The following SLMAP variants were observed in gnomAD, a reference collection of about 807,000 sequenced individuals.
SLMAP encodes sarcolemmal membrane-associated protein.
SLMAP carries 44 observed loss-of-function variants against 128.8 expected under a neutral mutation model. That is an observed-to-expected ratio of 0.34 (90% CI 0.27 to 0.44). The LOEUF (loss-of-function observed/expected upper bound fraction) is 0.44, where lower values mean the gene tolerates loss of function less well. SLMAP is among the 20% of genes least tolerant of loss of function. The pLI is 1.00. For missense variants in SLMAP, 787 were observed against 985.3 expected, an observed-to-expected ratio of 0.80 and a Z score of 2.69; for synonymous variants, 327 against 348.8, an observed-to-expected ratio of 0.94 and a Z score of 0.70.
intron 2 of SLMAP, among the ~76,000 whole-genome samples, chr3:57,766,920 T>G (rs1473778346): frequency 6.6e-6 from 1 of 152,072 alleles, no homozygotes; most frequent in African/African-American, 2.4e-5. Flanking sequence ...TTTAAATTTA[T>G]TTTTATTTTT....
At position 57,917,004 on chromosome 3, in the gene SLMAP, A is replaced by G; in HGVS notation, c.2237A>G (p.His746Arg). The G allele has an allele frequency of 1.2e-6, 2 of 1,614,008 alleles. No individual in the cohort carries two copies. The highest frequency in any genetic ancestry group is 8.5e-7 in the Non-Finnish European group (1 of 1,179,934). Reference protein sequence around the residue: ...ENQVGSLKEQHLRDSADLKTL... With the variant: ...ENQVGSLKEQRLRDSADLKTL... ...CAAGTGGGATCCTTGAAAGAACAGC[A>G]TCTTCGGGATTCAGCTGATTTAAAA... Residue 746 changes from histidine to arginine, a missense_variant, in exon 22 of 25, where the codon CAT becomes CGT. By Grantham distance (29) the His-to-Arg change is conservative (BLOSUM62 0). Around this residue, in one of 2 missense-constraint regions of SLMAP, gnomAD observed 715 missense variants for 843.6 expected, o/e 0.85. Coordinates refer to ENST00000671191, the MANE Select transcript of SLMAP (RefSeq NM_001377540.1).
At chr3:57,795,102 G>C (rs1056559105) in intron 2 of SLMAP, among the ~76,000 whole-genome samples, 1 of 152,138 alleles carries the variant, frequency 6.6e-6, no homozygotes. Flanking sequence ...CAGGTGGGTA[G>C]GAAATGGTAT....
chr3:57,886,873 C>T (rs996565777), intron 14 of SLMAP, among the ~76,000 whole-genome samples: 3 of 151,746 alleles, frequency 2.0e-5, no homozygotes, highest in African/African-American at 4.8e-5. Flanking sequence ...ATATCTAGAA[C>T]GGGTAAATCC....
intron 5 of SLMAP, among the ~76,000 whole-genome samples, chr3:57,848,766 A>G (rs141588216): frequency 8.3e-4 from 113 of 136,412 alleles, no homozygotes; most frequent in African/African-American, 3.1e-3. Flanking sequence ...CTGGAGTGCA[A>G]TGGTGCAATC....
intron 2 of SLMAP, among the ~76,000 whole-genome samples, chr3:57,811,355 A>G (rs570616069): frequency 1.3e-5 from 2 of 152,322 alleles, no homozygotes; most frequent in South Asian, 4.1e-4. Context: ...TCTTTTTGTG[A>G]CTGGCTTACT....
At chr3:57,770,522 G>C (rs1190993137) in intron 2 of SLMAP, among the ~76,000 whole-genome samples, 1 of 152,234 alleles carries the variant, frequency 6.6e-6, no homozygotes, top group South Asian at 2.1e-4. Context: ...GCTGCTGTCA[G>C]TTCTTTGGGG....
chr3:57,819,452 CAAAT>C (rs372734689), intron 2 of SLMAP, among the ~76,000 whole-genome samples: 145 of 152,140 alleles, frequency 9.5e-4, no homozygotes, highest in African/African-American at 3.3e-3. Context: ...ATTTGTTTGC[CAAAT>C]AAATTCTTTG....
At chr3:57,780,297 C>G (rs1278141384) in intron 2 of SLMAP, among the ~76,000 whole-genome samples, 1 of 152,048 alleles carries the variant, frequency 6.6e-6, no homozygotes, top group African/African-American at 2.4e-5. Context: ...CAGGTGCACA[C>G]CATCACACCC....
rs2097034435 is a variant in SLMAP, at chr3:57,927,986, TATG to T, written c.*698_*700del. The T allele has an allele frequency of 1.3e-5, 2 of 152,656 alleles. No homozygotes were observed. Among genetic ancestry groups the T allele is most frequent in the South Asian group, 4.2e-4 (2 of 4,818 alleles). The allele number at this position is 152,656 out of a possible 1,614,324, so 9.5% of individuals were successfully genotyped here. ...AAAATACGTTTGGAAAATAAACTGTTATGGTGATAATTTGGGGAATATGTGCAC... is the reference window on the plus strand; with the variant it reads ...AAAATACGTTTGGAAAATAAACTGTTGTGATAATTTGGGGAATATGTGCAC... On this transcript the variant is annotated 3_prime_UTR_variant, in exon 25 of 25. Transcript: ENST00000671191.
At chr3:57,836,614 A>G (rs886535714) in intron 3 of SLMAP, among the ~76,000 whole-genome samples, 5 of 152,200 alleles carry the variant, frequency 3.3e-5, no homozygotes, top group Non-Finnish European at 5.9e-5. Flanking sequence ...GTGGGATTAA[A>G]GGCTTGAGCC....
At position 57,911,862 on chromosome 3, in the gene SLMAP, A is replaced by G. The variant is rs2096707412; in HGVS notation, c.1700-519A>G. ...ACAGAAAAACGAATCAAGGGCGTCA[A>G]CTGTTTATTGCTTTTATTGCTTACC... On this transcript the variant is annotated intron_variant, in intron 19 of 24. Coordinates refer to ENST00000671191, the MANE Select transcript of SLMAP (RefSeq NM_001377540.1). Among the ~76,000 whole-genome samples, 6 of 150,574 alleles carry G rather than the reference A, an allele frequency of 4.0e-5. No individual in the cohort carries two copies. In the South Asian group the frequency reaches 6.3e-4, roughly 16 times the overall value.
At chr3:57,773,287 A>G (rs1301341886) in intron 2 of SLMAP, among the ~76,000 whole-genome samples, 2 of 152,222 alleles carry the variant, frequency 1.3e-5, no homozygotes, top group East Asian at 3.8e-4. Context: ...AGCGGTGGAG[A>G]TAAGTAAGTC....
At chr3:57,923,985 A>AT in intron 23 of SLMAP, among the ~76,000 whole-genome samples, 1 of 152,310 alleles carries the variant, frequency 6.6e-6, no homozygotes. Context: ...AATGGTTTGC[A>AT]TTTACTTTTC....
At chr3:57,850,783 A>G (rs1425682754) in intron 6 of SLMAP, among the ~76,000 whole-genome samples, 2 of 151,886 alleles carry the variant, frequency 1.3e-5, no homozygotes. Flanking sequence ...ACAGGCATCC[A>G]CCACCCACAG....
intron 2 of SLMAP, among the ~76,000 whole-genome samples, chr3:57,785,992 G>A (rs1163760641): frequency 6.6e-6 from 1 of 152,110 alleles, no homozygotes; most frequent in African/African-American, 2.4e-5. Flanking sequence ...TTTTCTAGGT[G>A]ACAGAGATGA....
rs189964877 is a variant in SLMAP, at chr3:57,903,301, G to A, written c.1502-4583G>A. Among the ~76,000 whole-genome samples, 813 of 152,290 alleles carry A rather than the reference G, an allele frequency of 5.3e-3. 2 individuals carry two copies. Among genetic ancestry groups the A allele is most frequent in the Non-Finnish European group, 8.8e-3 (597 of 68,028 alleles). On this transcript the variant is annotated intron_variant, in intron 17 of 24. Coordinates refer to ENST00000671191, the MANE Select transcript of SLMAP (RefSeq NM_001377540.1). ...ATGATCTTCCTGCATTGTGAAGGTT[G>A]TTCTCATCAACCAAGCCTGCAATGA...
chr3:57,851,923 T>C (rs965251444), intron 6 of SLMAP, among the ~76,000 whole-genome samples: 4 of 152,004 alleles, frequency 2.6e-5, no homozygotes, highest in Admixed American at 6.6e-5. Flanking sequence ...CCCTATATTC[T>C]TTTTTGAGGT....
rs1469425826 is a variant in SLMAP, at chr3:57,927,464, A to G, written c.*175A>G. The G allele has an allele frequency of 3.8e-6, 3 of 799,124 alleles. No homozygotes were observed. Among genetic ancestry groups the G allele is most frequent in the African/African-American group, 3.4e-5 (2 of 59,168 alleles). The allele number at this position is 799,124 out of a possible 1,614,324, so 49.5% of individuals were successfully genotyped here. A position where few individuals can be genotyped will look rare whatever the true frequency, so the allele number is the denominator to read the frequency against. On this transcript the variant is annotated 3_prime_UTR_variant, in exon 25 of 25. Coordinates refer to ENST00000671191, the MANE Select transcript of SLMAP (RefSeq NM_001377540.1). ...ACTCATGCTGGGGACAAACAGAACC[A>G]TTTTCTTCCTCTTTACCTCTTAAAA...
At chr3:57,898,767 C>G (rs2096298745) in intron 17 of SLMAP, 1 of 152,132 alleles carries the variant, frequency 6.6e-6, no homozygotes, top group African/African-American at 2.4e-5. Context: ...GTAACACTAG[C>G]CACAAAGCTA....
Sources: gnomAD v4.1 joint callset for allele counts (sites outside exome capture counted in the v4.1 genomes callset) on GRCh38, gnomAD v4.1.1 for gene constraint, gnomAD v4.1.1 regional missense constraint, MANE v1.5 for transcripts, NCBI Gene and HGNC (gene_info 2026-07-23, HGNC 2026-07-21) for gene names.